AMBRA1: variants seen among roughly 807,000 people sequenced by gnomAD.
AMBRA1 encodes the protein autophagy and beclin 1 regulator 1, also known as activating molecule in BECN1-regulated autophagy protein 1.
Under a neutral mutation model 125.4 loss-of-function variants are expected in AMBRA1, and 47 were observed. The ratio of observed to expected loss-of-function variants is 0.37; its 90% CI spans 0.30 to 0.48. The LOEUF (loss-of-function observed/expected upper bound fraction) is 0.48. Among genes scored for constraint, AMBRA1 ranks in the 20% least tolerant of loss-of-function variants. The pLI, the probability that AMBRA1 is intolerant of heterozygous loss-of-function variation, is 0.99. For synonymous variants in AMBRA1, 626 were observed against 655.5 expected, an observed-to-expected ratio of 0.95 and a Z score of 0.69; for missense variants, 1,331 against 1,693.4, an observed-to-expected ratio of 0.79 and a Z score of 3.76.
intron 7 of AMBRA1, among the ~76,000 whole-genome samples, chr11:46,536,208 T>A (rs1361436678): frequency 1.3e-5 from 2 of 152,244 alleles, no homozygotes; most frequent in African/African-American, 4.8e-5. Context: ...TTACTGAGCA[T>A]CTACTGTGTG....
At chr11:46,557,300 C>CAA (rs540969219) in intron 1 of AMBRA1, among the ~76,000 whole-genome samples, 3 of 49,090 alleles carry the variant, frequency 6.1e-5, no homozygotes, top group Non-Finnish European at 8.2e-5. Flanking sequence ...GACTCCATCT[C>CAA]AAAAAAAAAA....
chr11:46,555,844 A>G (rs2043142802), intron 1 of AMBRA1, among the ~76,000 whole-genome samples: 1 of 152,144 alleles, frequency 6.6e-6, no homozygotes, highest in Non-Finnish European at 1.5e-5. Context: ...TGATTCAGAA[A>G]CCTATAGACC....
chr11:46,552,708 G>A (rs1029347690), intron 1 of AMBRA1, among the ~76,000 whole-genome samples: 13 of 150,908 alleles, frequency 8.6e-5, no homozygotes, highest in Non-Finnish European at 1.5e-4. Context: ...TAAATTATGC[G>A]GTAAGTACAT....
intron 7 of AMBRA1, among the ~76,000 whole-genome samples, chr11:46,540,073 C>T (rs182972346): frequency 1.3e-5 from 2 of 152,322 alleles, no homozygotes; most frequent in Non-Finnish European, 2.9e-5. Context: ...CTTAAGTGGT[C>T]TGCCCGACTC....
At chr11:46,528,332 G>A (rs931326918) in intron 7 of AMBRA1, among the ~76,000 whole-genome samples, 22 of 152,076 alleles carry the variant, frequency 1.4e-4, no homozygotes, top group African/African-American at 5.1e-4. Context: ...CACCGCACTC[G>A]GCTAAGTTTT....
At chr11:46,424,048 C>T (rs1167410533) in intron 14 of AMBRA1, among the ~76,000 whole-genome samples, 3 of 152,036 alleles carry the variant, frequency 2.0e-5, no homozygotes, top group African/African-American at 2.4e-5. Flanking sequence ...CAGGCATGAG[C>T]CACCGTGCCC....
Position 46,417,951 on chromosome 11 carries a change from A to G in AMBRA1, c.3078T>C (p.Tyr1026=). ...TCACCAGGTCTCCTTTGTTAGTACC[A>G]TAGGCCAAGCCAAGCCCTGGCTCAG... ...WLPEPGLGLA[Y]GTNKGDLVIC... is the part of the protein sequence containing the mutation. Residue 1026 remains tyrosine (Y), a synonymous_variant, in exon 15 of 18, where the codon TAT becomes TAC. Coordinates refer to ENST00000683756, the MANE Select transcript of AMBRA1 (RefSeq NM_001387011.1). 2 of 1,611,268 alleles carry G rather than the reference A, an allele frequency of 1.2e-6. No individual in the cohort carries two copies. The highest frequency in any genetic ancestry group is 8.5e-7 in the Non-Finnish European group (1 of 1,177,954).
intron 4 of AMBRA1, 117 bp from the exon 5 acceptor site, chr11:46,545,893 T>C: frequency 7.9e-6 from 7 of 880,974 alleles, no homozygotes; most frequent in Non-Finnish European, 1.2e-5. Context: ...CTACTTTAAA[T>C]ACATCCTCTG....
At chr11:46,541,012 C>A (rs1952710760) in intron 7 of AMBRA1, among the ~76,000 whole-genome samples, 1 of 152,224 alleles carries the variant, frequency 6.6e-6, no homozygotes, top group African/African-American at 2.4e-5. Context: ...TTGTTAGAAG[C>A]TTATGTCAGA....
chr11:46,516,494 G>A (rs1054820277), intron 7 of AMBRA1, among the ~76,000 whole-genome samples: 5 of 137,628 alleles, frequency 3.6e-5, no homozygotes, highest in Non-Finnish European at 6.1e-5. Flanking sequence ...GCAGTGGCAC[G>A]ATCTCGGCTC....
intron 11 of AMBRA1, among the ~76,000 whole-genome samples, chr11:46,469,301 T>C (rs191749680): frequency 1.5e-3 from 224 of 152,290 alleles, no homozygotes; most frequent in African/African-American, 5.1e-3. Context: ...ATGAAATCAT[T>C]GTTTTTATAA....
chr11:46,499,419 G>GTAATCC (rs1275238100), intron 9 of AMBRA1, among the ~76,000 whole-genome samples: 5 of 152,002 alleles, frequency 3.3e-5, no homozygotes, highest in Non-Finnish European at 5.9e-5. Flanking sequence ...TACTTGCCCA[G>GTAATCC]TAATTCTAAT....
At chr11:46,541,104 G>A (rs1454381978) in intron 7 of AMBRA1, among the ~76,000 whole-genome samples, 1 of 152,214 alleles carries the variant, frequency 6.6e-6, no homozygotes, top group Non-Finnish European at 1.5e-5. Flanking sequence ...TGGAGTTGGT[G>A]ATTATGCTAG....
In AMBRA1 at chr11:46,535,215, G is replaced by A. The variant is rs532970225; in HGVS notation, c.2072+6730C>T. ...CGAACTTCTAACTAAGAAGAACTCAGAAGTTAGAAAGCGTTTACTGTATAG... is the reference window on the plus strand; with the variant it reads ...CGAACTTCTAACTAAGAAGAACTCAAAAGTTAGAAAGCGTTTACTGTATAG... On this transcript the variant is annotated intron_variant, in intron 7 of 17. Coordinates refer to ENST00000683756, the MANE Select transcript of AMBRA1 (RefSeq NM_001387011.1). 9.9e-5 allele frequency among the ~76,000 whole-genome samples: 15 copies of A among 152,274 alleles called. No homozygotes were observed. In the East Asian group the frequency reaches 1.5e-3, roughly 16 times the overall value.
intron 11 of AMBRA1, among the ~76,000 whole-genome samples, chr11:46,446,698 T>C (rs980805953): frequency 1.3e-5 from 2 of 152,194 alleles, no homozygotes; most frequent in Non-Finnish European, 1.5e-5. Flanking sequence ...CAAAAATGTC[T>C]CCAGACACTG....
At position 46,422,634 on chromosome 11, in the gene AMBRA1, A is replaced by G. The variant is rs556344905; in HGVS notation, c.2977-4582T>C. ...CTTCTTCTCCATCCTTTTAAAATGA[A>G]GAGGAAAAAGGTATTGCAGCCCTCA... On this transcript the variant is annotated intron_variant, in intron 14 of 17. Transcript: ENST00000683756. 7.9e-5 allele frequency among the ~76,000 whole-genome samples: 12 copies of G among 152,254 alleles called. No individual in the cohort carries two copies. In the East Asian group the frequency reaches 2.3e-3, roughly 29 times the overall value.
chr11:46,569,521 AG>A (rs1488827974), intron 1 of AMBRA1, among the ~76,000 whole-genome samples: 3 of 151,190 alleles, frequency 2.0e-5, no homozygotes, highest in African/African-American at 7.3e-5. Context: ...CAAACCTAGC[AG>A]ATGTTTACCA....
chr11:46,491,582 GATAA>G (rs1285243961), intron 11 of AMBRA1, among the ~76,000 whole-genome samples: 4 of 152,168 alleles, frequency 2.6e-5, no homozygotes, highest in Admixed American at 6.5e-5. Context: ...ATCAACGAAT[GATAA>G]ATAAATACTC....
At chr11:46,537,369 C>T (rs1290626753) in intron 7 of AMBRA1, among the ~76,000 whole-genome samples, 1 of 152,206 alleles carries the variant, frequency 6.6e-6, no homozygotes, top group Non-Finnish European at 1.5e-5. Flanking sequence ...TGCTTACAAA[C>T]ACCTCTTTAA....
Sources: allele counts gnomAD v4.1 joint callset (sites outside exome capture counted in the v4.1 genomes callset), GRCh38; gene constraint gnomAD v4.1.1; transcripts MANE v1.5; gene names NCBI Gene and HGNC (gene_info 2026-07-23, HGNC 2026-07-21).